TANGO6: variants seen among roughly 807,000 people sequenced by gnomAD.
TANGO6 encodes transport and golgi organization 6 homolog.
TANGO6 carries 90 observed loss-of-function variants against 114.2 expected under a neutral mutation model. The observed-to-expected ratio is 0.79, with a 90% CI of 0.66 to 0.94. TANGO6 has a LOEUF of 0.94. TANGO6 is among the 40% of genes least tolerant of loss of function. The probability of loss-of-function intolerance (pLI) is 0.00; values close to 1 mark genes in which losing one functional copy is unlikely to be tolerated. For missense variants in TANGO6, 1,274 were observed against 1,315.3 expected (o/e 0.97, Z 0.49); for synonymous variants, 477 against 509.8 (o/e 0.94, Z 0.87).
At chr16:68,912,173 T>C (rs1223709392) in intron 11 of TANGO6, among the ~76,000 whole-genome samples, 1 of 152,172 alleles carries the variant, frequency 6.6e-6, no homozygotes, top group Non-Finnish European at 1.5e-5. Context: ...TATAGGAGAA[T>C]CATAGCTAAA....
In TANGO6 at chr16:68,867,060, A is replaced by T. The variant is rs978521716; in HGVS notation, c.853-19A>T. The T allele has an allele frequency of 6.9e-6, 11 of 1,586,454 alleles. No individual in the cohort carries two copies. The highest frequency in any genetic ancestry group is 1.8e-5 in the Admixed American group (1 of 54,962). On this transcript the variant is annotated intron_variant, in intron 3 of 17. Transcript: ENST00000261778. ...TATTTCAGTGACATTCAGAATTCAC[A>T]CCTTCTTCTTTTTCTCAGTCCTGCA...
chr16:69,046,468 G>A (rs143395426), intron 17 of TANGO6, among the ~76,000 whole-genome samples: 2 of 152,104 alleles, frequency 1.3e-5, no homozygotes, highest in South Asian at 2.1e-4. Flanking sequence ...ACAGGTATGT[G>A]CCACCACACG....
chr16:68,945,108 T>C (rs7206081), intron 14 of TANGO6, among the ~76,000 whole-genome samples: 64,414 of 152,088 alleles, frequency 0.42, 14,083 homozygotes, highest in African/African-American at 0.54. Flanking sequence ...GCCACTGCAC[T>C]CCAGCCTGGG....
chr16:69,079,085 G>A (rs900249946), intron 17 of TANGO6, among the ~76,000 whole-genome samples: 19 of 151,922 alleles, frequency 1.3e-4, no homozygotes, highest in African/African-American at 4.4e-4. Flanking sequence ...CAGCACTTTG[G>A]GAGGCCAAGG....
chr16:68,975,978 A>G (rs546161724), intron 15 of TANGO6, among the ~76,000 whole-genome samples: 2 of 152,124 alleles, frequency 1.3e-5, no homozygotes, highest in African/African-American at 4.8e-5. Context: ...TCTGTTGCCC[A>G]CATTGGAGTT....
intron 15 of TANGO6, among the ~76,000 whole-genome samples, chr16:68,980,435 A>ATATATATATATT (rs1317961639): frequency 4.9e-5 from 3 of 61,776 alleles, no homozygotes; most frequent in African/African-American, 7.2e-5. Flanking sequence ...ATATATATAT[A>ATATATATATATT]TTTTTTTTTT....
intron 12 of TANGO6, among the ~76,000 whole-genome samples, chr16:68,919,944 G>T (rs1323297026): frequency 6.6e-6 from 1 of 152,162 alleles, no homozygotes. Flanking sequence ...CTACTCGGGA[G>T]GCTGAGGCAG....
At chr16:68,989,955 A>G (rs757202362) in intron 15 of TANGO6, among the ~76,000 whole-genome samples, 3 of 152,188 alleles carry the variant, frequency 2.0e-5, no homozygotes, top group Middle Eastern at 3.2e-3. Context: ...TATCTTATTC[A>G]TGATCTTCGT....
At chr16:69,063,643 CAAAAAAAAAAA>C (rs770332921) in intron 17 of TANGO6, among the ~76,000 whole-genome samples, 6 of 35,778 alleles carry the variant, frequency 1.7e-4, no homozygotes, top group Admixed American at 1.1e-3. Context: ...ACTCCATCTC[CAAAAAAAAAAA>C]AAAAAAAAAA....
chr16:69,041,300 G>C (rs529249041), intron 17 of TANGO6, among the ~76,000 whole-genome samples: 14 of 152,164 alleles, frequency 9.2e-5, no homozygotes, highest in African/African-American at 3.4e-4. Context: ...TACAAAATTA[G>C]CCAGGTGTGG....
intron 14 of TANGO6, among the ~76,000 whole-genome samples, chr16:68,950,479 C>T (rs543649854): frequency 1.3e-5 from 2 of 151,874 alleles, no homozygotes; most frequent in Non-Finnish European, 2.9e-5. Context: ...GCAGGAGAAT[C>T]GCTTGAACCT....
intron 17 of TANGO6, among the ~76,000 whole-genome samples, chr16:69,077,339 T>A (rs967608158): frequency 6.6e-5 from 10 of 152,238 alleles, no homozygotes; most frequent in Admixed American, 3.9e-4. Context: ...GCATGGGACC[T>A]TGTGTGACTG....
At chr16:69,038,354 C>T (rs543068739) in intron 16 of TANGO6, among the ~76,000 whole-genome samples, 1 of 151,856 alleles carries the variant, frequency 6.6e-6, no homozygotes, top group Non-Finnish European at 1.5e-5. Flanking sequence ...CGCTTGAACC[C>T]GGGAGGCAGA....
At chr16:68,946,429 C>T (rs1783664504) in intron 14 of TANGO6, among the ~76,000 whole-genome samples, 2 of 151,796 alleles carry the variant, frequency 1.3e-5, no homozygotes, top group Non-Finnish European at 2.9e-5. Context: ...CTCTTGACCT[C>T]GTGATCCGCC....
chr16:68,881,709 A>G (rs1284562754), intron 7 of TANGO6, among the ~76,000 whole-genome samples: 2 of 152,232 alleles, frequency 1.3e-5, no homozygotes, highest in Non-Finnish European at 2.9e-5. Flanking sequence ...TTCTATTCAT[A>G]GAAAAAAAGT....
chr16:68,852,346 T>C (rs1328971718), intron 1 of TANGO6, among the ~76,000 whole-genome samples: 1 of 152,228 alleles, frequency 6.6e-6, no homozygotes, highest in Admixed American at 6.5e-5. Flanking sequence ...TTATAAATCA[T>C]GCAGTATTGG....
Position 69,028,257 on chromosome 16 carries a change from G to A in TANGO6, c.2994+5278G>A, listed in dbSNP as rs1384323562. 2.0e-5 allele frequency among the ~76,000 whole-genome samples: 3 copies of A among 151,708 alleles called. No homozygotes were observed. In the East Asian group the frequency reaches 5.9e-4, roughly 30 times the overall value. On this transcript the variant is annotated intron_variant, in intron 16 of 17. Coordinates refer to ENST00000261778, the MANE Select transcript of TANGO6 (RefSeq NM_024562.2). ...ATTATAGGCGTGAGCCACCGCTCCC[G>A]GCCCTCCAAATATTATTATTTTTAA... is the stretch of plus-strand genomic sequence containing the variant.
At chr16:68,891,843 A>G (rs931053113) in intron 7 of TANGO6, among the ~76,000 whole-genome samples, 3 of 144,446 alleles carry the variant, frequency 2.1e-5, no homozygotes, top group Non-Finnish European at 4.6e-5. Flanking sequence ...GGGAAAGGGA[A>G]AGAAAAGGAA....
At chr16:68,863,564 C>T (rs533138519) in intron 3 of TANGO6, among the ~76,000 whole-genome samples, 3 of 152,138 alleles carry the variant, frequency 2.0e-5, no homozygotes, top group South Asian at 2.1e-4. Context: ...GAGCCGAGAT[C>T]ATGCCATTGC....
Sources: gnomAD v4.1 joint callset for allele counts (sites outside exome capture counted in the v4.1 genomes callset) on GRCh38, gnomAD v4.1.1 for gene constraint, MANE v1.5 for transcripts, NCBI Gene and HGNC (gene_info 2026-07-23, HGNC 2026-07-21) for gene names.